The following MYO5C variants were observed in gnomAD, a reference collection of about 807,000 sequenced individuals.
MYO5C encodes unconventional myosin-Vc.
A neutral mutation model predicts 235.7 loss-of-function variants in MYO5C; 194 were observed. That is an observed-to-expected ratio of 0.82 (90% CI 0.73 to 0.93). The LOEUF is 0.93. Among genes scored for constraint, MYO5C ranks in the 40% least tolerant of loss-of-function variants. The probability of loss-of-function intolerance (pLI) is 0.00; values close to 1 mark genes in which losing one functional copy is unlikely to be tolerated. For missense variants in MYO5C, 2,038 were observed against 2,127.2 expected (o/e 0.96, Z 0.82); for synonymous variants, 707 against 754.8 (o/e 0.94, Z 1.04).
intron 33 of MYO5C, among the ~76,000 whole-genome samples, chr15:52,214,284 G>A (rs2141277857): frequency 6.6e-6 from 1 of 152,314 alleles, no homozygotes; most frequent in South Asian, 2.1e-4. Flanking sequence ...GGGAGAGAAG[G>A]TGAATTTCAA....
rs1006065187 is a variant in MYO5C at position 52,213,221 on chromosome 15, C to G, written c.4108G>C (p.Asp1370His). The G allele has an allele frequency of 1.2e-6, 2 of 1,614,042 alleles. No individual in the cohort carries two copies. The highest frequency in any genetic ancestry group is 2.7e-5 in the African/African-American group (2 of 74,942). ...AGGTTCTGAATGAGCTTGGCCTCGTCTTCTCTCTTGTATTGCAGCATTCCA... is the reference window on the plus strand; with the variant it reads ...AGGTTCTGAATGAGCTTGGCCTCGTGTTCTCTCTTGTATTGCAGCATTCCA... ...YLGMLQYKRE[D>H]EAKLIQNLIL... is the part of the protein sequence containing the mutation. Residue 1370 changes from aspartate to histidine, a missense_variant, in exon 34 of 41, where the codon GAC becomes CAC. Coordinates refer to ENST00000261839, the MANE Select transcript of MYO5C (RefSeq NM_018728.4).
intron 20 of MYO5C, among the ~76,000 whole-genome samples, chr15:52,240,338 G>A (rs776563599): frequency 6.6e-6 from 1 of 152,020 alleles, no homozygotes; most frequent in Non-Finnish European, 1.5e-5. Context: ...GGAGGCCCAG[G>A]AGGGAAGATC....
intron 16 of MYO5C, among the ~76,000 whole-genome samples, chr15:52,246,295 T>C (rs2036342737): frequency 6.6e-6 from 1 of 152,202 alleles, no homozygotes; most frequent in Non-Finnish European, 1.5e-5. Flanking sequence ...AACTGGCCTT[T>C]GAGGTGAGCT....
chr15:52,194,295 G>T (rs2034998558), intron 40 of MYO5C, among the ~76,000 whole-genome samples: 1 of 152,130 alleles, frequency 6.6e-6, no homozygotes, highest in South Asian at 2.1e-4. Flanking sequence ...ATTTCCCATG[G>T]GATGAGTTGA....
chr15:52,239,590 C>T, intron 21 of MYO5C, 143 bp downstream of exon 21: 2 of 788,450 alleles, frequency 2.5e-6, no homozygotes, highest in Admixed American at 2.9e-5. Context: ...CAGTGTACTT[C>T]TGTTTCCTAG....
At chr15:52,256,587 A>ACACACACGCGCGCACGCGCGCG in intron 11 of MYO5C, 52 bp downstream of exon 11, 1 of 387,552 alleles carries the variant, frequency 2.6e-6, no homozygotes, top group African/African-American at 2.2e-5. Flanking sequence ...ACACACACAC[A>ACACACACGCGCGCACGCGCGCG]CGCGCGCGCG....
rs780845323 is a variant in MYO5C at position 52,245,429 on chromosome 15, A to G, written c.2103T>C (p.Ile701=). ...TYIEFYSRYG[I]LMTKQELSFS... Reference sequence around the variant, plus strand: ...AGGAAAGCTCTTGCTTGGTCATGAGAATGCCGTAGCGACTGTAGAACTCGA... The same window carrying G: ...AGGAAAGCTCTTGCTTGGTCATGAGGATGCCGTAGCGACTGTAGAACTCGA... Residue 701 remains isoleucine (I), a synonymous_variant, in exon 18 of 41, where the codon ATT becomes ATC. Transcript: ENST00000261839. The G allele has an allele frequency of 4.3e-6, 7 of 1,614,160 alleles. No individual in the cohort carries two copies. The South Asian group carries it at 7.7e-5, about 18-fold the overall frequency.
intron 29 of MYO5C, among the ~76,000 whole-genome samples, chr15:52,222,040 A>AT (rs1296634508): frequency 1.3e-5 from 2 of 152,220 alleles, no homozygotes; most frequent in Non-Finnish European, 2.9e-5. Flanking sequence ...TATTATAAAA[A>AT]TAGGCTTTGT....
At chr15:52,277,992 T>A in intron 4 of MYO5C, 1 of 455,266 alleles carries the variant, frequency 2.2e-6, no homozygotes, top group Non-Finnish European at 4.4e-6. Context: ...AGGTAAAGAG[T>A]CAGCAGGTCC....
chr15:52,206,385 T>C (rs1487542221), intron 36 of MYO5C, among the ~76,000 whole-genome samples: 1 of 152,240 alleles, frequency 6.6e-6, no homozygotes, highest in Non-Finnish European at 1.5e-5. Context: ...GTGTGTGTTA[T>C]GGATTTTATG....
intron 38 of MYO5C, among the ~76,000 whole-genome samples, chr15:52,202,667 T>G (rs2035215149): frequency 6.6e-6 from 1 of 152,106 alleles, no homozygotes; most frequent in South Asian, 2.1e-4. Context: ...CATAACTCAT[T>G]TCTCAATGAA....
intron 25 of MYO5C, among the ~76,000 whole-genome samples, 169 bp downstream of exon 25, chr15:52,228,964 C>T (rs28391161): frequency 6.6e-6 from 1 of 152,172 alleles, no homozygotes; most frequent in South Asian, 2.1e-4. Flanking sequence ...ACAATGATTG[C>T]TAAATCAAAG....
Position 52,205,090 on chromosome 15 carries a change from C to G in MYO5C, c.4595G>C (p.Gly1532Ala). Residue 1532 changes from glycine (G) to alanine (A), a missense_variant, in exon 38 of 41, where the codon GGC (glycine) becomes GCC (alanine). By Grantham distance (60) the Gly-to-Ala change is moderately conservative. Transcript: ENST00000261839. The part of the protein sequence containing the change: ...LQGISGLKPT[G>A]FRKRSSSIDD... ...TATGCTAGAGGAGCGCTTCCGGAAG[C>G]CTGTGGGCTTCAGGCCGGAAATGCC... 3.1e-6 allele frequency: 5 copies of G among 1,614,194 alleles called. No individual in the cohort carries two copies. Among genetic ancestry groups the G allele is most frequent in the Non-Finnish European group, 4.2e-6 (5 of 1,180,046 alleles).
At chr15:52,246,797 A>C in intron 16 of MYO5C, 120 bp downstream of exon 16, 1 of 723,726 alleles carries the variant, frequency 1.4e-6, no homozygotes, top group Middle Eastern at 2.4e-4. Context: ...CATTGTTCTG[A>C]ATCATTAAAA....
At chr15:52,223,523 G>A (rs549921452) in intron 29 of MYO5C, 21 bp downstream of exon 29, 22 of 1,603,514 alleles carry the variant, frequency 1.4e-5, no homozygotes, top group Non-Finnish European at 1.8e-5. Flanking sequence ...CCACGACTGG[G>A]GCCCCTGGCT....
chr15:52,263,985 A>AC (rs1447107648), intron 9 of MYO5C, among the ~76,000 whole-genome samples: 1 of 152,088 alleles, frequency 6.6e-6, no homozygotes, highest in Non-Finnish European at 1.5e-5. Flanking sequence ...CAGGAGATCC[A>AC]TTTCCCCTCC....
rs906588491 is a variant in MYO5C, at chr15:52,256,146, T to C, written c.1395+493A>G. 5.8e-4 allele frequency among the ~76,000 whole-genome samples: 89 copies of C among 152,158 alleles called. 1 individual carries two copies. The highest frequency in any genetic ancestry group is 2.1e-3 in the African/African-American group (86 of 41,420). On this transcript the variant is annotated intron_variant, in intron 11 of 40. Coordinates refer to ENST00000261839, the MANE Select transcript of MYO5C (RefSeq NM_018728.4). ...TTGCATGCAAATGATGATAATTCCA[T>C]GTGACAGGCCTGCGATAAGGAAGCA...
chr15:52,295,477 C>G, intron 1 of MYO5C, 133 bp downstream of exon 1: 5 of 1,094,250 alleles, frequency 4.6e-6, no homozygotes, highest in Non-Finnish European at 4.9e-6. Context: ...TCCGCGGCCC[C>G]CAGCGCGCGC....
rs1015526969 is a variant in MYO5C at position 52,237,609 on chromosome 15, C to A, written c.2741G>T (p.Ser914Ile). The stretch of plus-strand genomic sequence containing the variant: ...ATCCCCAGCTCGAAGAGCAGCCAGG[C>A]TAGTCAGCTTCTCCACCAGCCCATG... Reference protein sequence around the residue: ...ENHGLVEKLTSLAALRAGDVE... With the variant: ...ENHGLVEKLTILAALRAGDVE... The change falls in exon 22 of 41, where the codon AGC becomes ATC. Residue 914 changes from serine (S) to isoleucine (I), a missense_variant. Transcript: ENST00000261839. The A allele has an allele frequency of 1.9e-6, 3 of 1,613,878 alleles. No individual in the cohort carries two copies. In the African/African-American group the frequency reaches 4.0e-5, roughly 22 times the overall value.
Sources: gnomAD v4.1 joint callset for allele counts (sites outside exome capture counted in the v4.1 genomes callset) on GRCh38, gnomAD v4.1.1 for gene constraint, MANE v1.5 for transcripts, NCBI Gene and HGNC (gene_info 2026-07-23, HGNC 2026-07-21) for gene names.